Variants in ADCY5 observed in about 807,000 individuals in gnomAD.
ADCY5 encodes the protein adenylate cyclase 5, also known as adenylate cyclase type 5.
A neutral mutation model predicts 119.7 loss-of-function variants in ADCY5; 30 were observed. The observed-to-expected ratio is 0.25, with a 90% CI of 0.19 to 0.34. The LOEUF is 0.34. Ranked by LOEUF, ADCY5 falls within the 10% of genes least tolerant of loss-of-function variation. The probability of loss-of-function intolerance (pLI) is 1.00; values close to 1 mark genes in which losing one functional copy is unlikely to be tolerated. For synonymous variants in ADCY5, 753 were observed against 762.2 expected (o/e 0.99, Z 0.20); for missense variants, 1,324 against 1,775.2 (o/e 0.75, Z 4.57).
intron 1 of ADCY5, among the ~76,000 whole-genome samples, chr3:123,398,477 C>CCCCA (rs111597922): frequency 0.017 from 2,628 of 152,224 alleles, 75 homozygotes; most frequent in African/African-American, 0.06. Flanking sequence ...GATCACTGCA[C>CCCCA]CCCAGCCCCT....
At chr3:123,439,362 C>T (rs1049816209) in intron 1 of ADCY5, among the ~76,000 whole-genome samples, 3 of 151,414 alleles carry the variant, frequency 2.0e-5, no homozygotes, top group African/African-American at 4.9e-5. Context: ...GCACCCAGCC[C>T]TAAAGTGCTT....
intron 13 of ADCY5, among the ~76,000 whole-genome samples, chr3:123,303,744 G>T (rs1352023506): frequency 1.3e-5 from 2 of 152,142 alleles, no homozygotes; most frequent in African/African-American, 4.8e-5. Context: ...AGGACCTCTT[G>T]ATCCCAGGAG....
chr3:123,384,855 C>T (rs1576649495), intron 1 of ADCY5, among the ~76,000 whole-genome samples: 1 of 152,200 alleles, frequency 6.6e-6, no homozygotes, highest in African/African-American at 2.4e-5. Context: ...TGTCCTAGGA[C>T]CCCTCGGCCC....
intron 12 of ADCY5, among the ~76,000 whole-genome samples, chr3:123,304,634 C>G (rs1940099281): frequency 6.6e-6 from 1 of 151,988 alleles, no homozygotes; most frequent in Non-Finnish European, 1.5e-5. Context: ...TTGGAGAGGA[C>G]TAGGCCTCTG....
intron 1 of ADCY5, among the ~76,000 whole-genome samples, chr3:123,408,104 T>C (rs182892663): frequency 5.9e-4 from 90 of 152,240 alleles, no homozygotes; most frequent in African/African-American, 2.0e-3. Flanking sequence ...TCTCAGAGAA[T>C]ACAAAGAGCC....
chr3:123,319,027 A>G (rs1408795914), intron 10 of ADCY5, among the ~76,000 whole-genome samples: 1 of 152,232 alleles, frequency 6.6e-6, no homozygotes, highest in Non-Finnish European at 1.5e-5. Flanking sequence ...ACTAATATGC[A>G]CCGAACGCCT....
At chr3:123,428,666 A>G (rs181295807) in intron 1 of ADCY5, among the ~76,000 whole-genome samples, 1 of 152,342 alleles carries the variant, frequency 6.6e-6, no homozygotes, top group African/African-American at 2.4e-5. Flanking sequence ...CAGGGAAAGG[A>G]GAACCTGATA....
chr3:123,402,489 C>A (rs904795446), intron 1 of ADCY5, among the ~76,000 whole-genome samples: 1 of 152,186 alleles, frequency 6.6e-6, no homozygotes, highest in African/African-American at 2.4e-5. Context: ...AGGCAAGCAC[C>A]GGCTTCTTTT....
chr3:123,438,095 CA>C (rs1280517472), intron 1 of ADCY5, among the ~76,000 whole-genome samples: 1 of 152,164 alleles, frequency 6.6e-6, no homozygotes, highest in African/African-American at 2.4e-5. Context: ...GGCCCAGAGG[CA>C]AGGGGCTAGA....
At chr3:123,413,611 G>A (rs1444953774) in intron 1 of ADCY5, among the ~76,000 whole-genome samples, 4 of 152,204 alleles carry the variant, frequency 2.6e-5, no homozygotes, top group Non-Finnish European at 5.9e-5. Flanking sequence ...GGGAGCAACC[G>A]ATTAACAGCC....
intron 3 of ADCY5, among the ~76,000 whole-genome samples, chr3:123,345,761 G>GAC (rs1491583420): frequency 2.3e-3 from 83 of 36,026 alleles, no homozygotes; most frequent in East Asian, 7.0e-3. Flanking sequence ...CAGACAGACA[G>GAC]ACAGACAGAC....
chr3:123,408,748 G>A (rs899435566), intron 1 of ADCY5, among the ~76,000 whole-genome samples: 1 of 152,104 alleles, frequency 6.6e-6, no homozygotes, highest in South Asian at 2.1e-4. Flanking sequence ...AGGCCGAGTG[G>A]GTGGATCACC....
intron 6 of ADCY5, among the ~76,000 whole-genome samples, chr3:123,327,963 G>A (rs1006996872): frequency 6.6e-6 from 1 of 152,140 alleles, no homozygotes; most frequent in African/African-American, 2.4e-5. Flanking sequence ...CAACCACACT[G>A]TCTCACACTG....
At chr3:123,320,724 G>C (rs902106771) in intron 9 of ADCY5, 25 bp downstream of exon 9, 1 of 1,612,160 alleles carries the variant, frequency 6.2e-7, no homozygotes, top group African/African-American at 1.3e-5. Context: ...CAGGGAGCAG[G>C]AATAAGGAAG....
intron 12 of ADCY5, among the ~76,000 whole-genome samples, chr3:123,307,115 G>A (rs372782654): frequency 7.9e-5 from 12 of 152,118 alleles, no homozygotes; most frequent in Middle Eastern, 3.4e-3. Flanking sequence ...TAATGGGTCT[G>A]GGGGTTTCTT....
chr3:123,412,794 A>C (rs1945086449), intron 1 of ADCY5, among the ~76,000 whole-genome samples: 1 of 151,748 alleles, frequency 6.6e-6, no homozygotes, highest in Admixed American at 6.5e-5. Context: ...CTCAAGCTAA[A>C]AACAAAACAA....
At chr3:123,408,795 G>T (rs1021085919) in intron 1 of ADCY5, among the ~76,000 whole-genome samples, 3 of 152,076 alleles carry the variant, frequency 2.0e-5, no homozygotes, top group African/African-American at 4.8e-5. Context: ...GGCCAACATG[G>T]TGAAACCCCA....
In ADCY5 at chr3:123,317,426, C is replaced by T. The variant is rs146684289; in HGVS notation, c.2354+594G>A. Among the ~76,000 whole-genome samples the T allele has an allele frequency of 4.6e-5, 7 of 151,184 alleles. No homozygotes were observed. The East Asian group carries it at 1.4e-3, about 29-fold the overall frequency. ...GATGGGGTGGGTTAATGGGACGAGA[C>T]AATTAAGTGATAAAAAGGCGTCTCT... On this transcript the variant is annotated intron_variant, in intron 11 of 20. Transcript: ENST00000462833.
At chr3:123,300,505 G>T (rs1437156288) in intron 14 of ADCY5, among the ~76,000 whole-genome samples, 1 of 152,230 alleles carries the variant, frequency 6.6e-6, no homozygotes, top group Non-Finnish European at 1.5e-5. Context: ...GCCATTGCCT[G>T]CAGGACAGCC....
Sources: gnomAD v4.1 joint callset for allele counts (sites outside exome capture counted in the v4.1 genomes callset) on GRCh38, gnomAD v4.1.1 for gene constraint, MANE v1.5 for transcripts, NCBI Gene and HGNC (gene_info 2026-07-23, HGNC 2026-07-21) for gene names.